The following NRAP variants were observed in gnomAD, a reference collection of about 807,000 sequenced individuals.
NRAP encodes the protein nebulin-related-anchoring protein.
Under a neutral mutation model 225.9 loss-of-function variants are expected in NRAP, and 189 were observed. The observed-to-expected ratio is 0.84, with a 90% CI of 0.74 to 0.94. NRAP has a LOEUF of 0.94. NRAP is among the 40% of genes least tolerant of loss of function. The probability of loss-of-function intolerance (pLI) is 0.00; values close to 1 mark genes in which losing one functional copy is unlikely to be tolerated. For missense variants in NRAP, 2,176 were observed against 2,168.7 expected, an observed-to-expected ratio of 1.00 and a Z score of -0.07; for synonymous variants, 769 against 790.7, an observed-to-expected ratio of 0.97 and a Z score of 0.46.
In NRAP at chr10:113,634,128, G is replaced by A; in HGVS notation, c.1511C>T (p.Ala504Val). 1 of 1,612,696 alleles carries A rather than the reference G, an allele frequency of 6.2e-7. No individual in the cohort carries two copies. Among genetic ancestry groups the A allele is most frequent in the Non-Finnish European group, 8.5e-7 (1 of 1,178,736 alleles). Residue 504 changes from alanine (A) to valine (V), a missense_variant, in exon 15 of 42, where the codon GCC becomes GTC. Coordinates refer to ENST00000359988, the MANE Select transcript of NRAP (RefSeq NM_198060.4). ...TPQIVQAKIN[A>V]QQLSHVNYRA... is the part of the protein sequence containing the mutation. ...GTTACTTACATGACTCAGCTGCTGG[G>A]CATTGATTTTGGCTTGAACAATCTG...
chr10:113,629,737 G>A lies in NRAP; in HGVS notation c.1891C>T (p.Pro631Ser). The part of the protein sequence containing the change: ...FEESKTRFHL[P>S]MDMVNIRHAK... ...TGCCTGATGTTTACCATATCCATGGGCAGGTGAAACCGGGTCTTACTCTCT... is the reference window on the plus strand; with the variant it reads ...TGCCTGATGTTTACCATATCCATGGACAGGTGAAACCGGGTCTTACTCTCT... The change falls in exon 19 of 42, where the codon CCC becomes TCC. Residue 631 changes from proline to serine, a missense_variant. Physicochemically the swap from Pro to Ser is moderately conservative, Grantham distance 74. Transcript: ENST00000359988. 3 of 1,613,968 alleles carry A rather than the reference G, an allele frequency of 1.9e-6. No homozygotes were observed. The highest frequency in any genetic ancestry group is 2.5e-6 in the Non-Finnish European group (3 of 1,179,834).
intron 16 of NRAP, among the ~76,000 whole-genome samples, chr10:113,632,270 G>C (rs1848621700): frequency 1.3e-5 from 2 of 152,184 alleles, no homozygotes; most frequent in Non-Finnish European, 2.9e-5. Flanking sequence ...TTTGCAAAGA[G>C]TGTATCATAT....
chr10:113,650,094 A>G lies in NRAP; in HGVS notation c.831T>C (p.Gly277=), dbSNP rs769792689. 6.2e-7 allele frequency: 1 copy of G among 1,611,546 alleles called. No homozygotes were observed. The change falls in exon 9 of 42, where the codon GGT becomes GGC. Residue 277 remains glycine (G), a synonymous_variant. Coordinates refer to ENST00000359988, the MANE Select transcript of NRAP (RefSeq NM_198060.4). Reference sequence around the variant, plus strand: ...AGATGCCCTCAGCTCCAATGGCTGGACCAGCCATTCCCCTCATTTCTTTTT... The same window carrying G: ...AGATGCCCTCAGCTCCAATGGCTGGGCCAGCCATTCCCCTCATTTCTTTTT... ...QYQKEMRGMA[G]PAIGAEGILT...
rs750978571 is a variant in NRAP at position 113,605,793 on chromosome 10, G to C, written c.3884C>G (p.Ala1295Gly). The change falls in exon 34 of 42, where the codon GCT becomes GGT. Residue 1295 changes from alanine to glycine, a missense_variant. By Grantham distance (60) the Ala-to-Gly change is moderately conservative (BLOSUM62 0). This residue lies in a region of NRAP where 1,708 missense variants were observed against 1,695.5 expected (regional missense o/e 1.01). Coordinates refer to ENST00000359988, the MANE Select transcript of NRAP (RefSeq NM_198060.4). ...KLTIEALPFQ[A>G]ARASGDIASD... ...GGCTATATCTCCAGAGGCCCGGGCA[G>C]CCTGGAAGGGGAGCGCTTCTATTGT... The C allele has an allele frequency of 6.2e-7, 1 of 1,613,840 alleles. No homozygotes were observed. The highest frequency in any genetic ancestry group is 8.5e-7 in the Non-Finnish European group (1 of 1,179,664).
intron 14 of NRAP, among the ~76,000 whole-genome samples, chr10:113,636,215 C>T (rs1057222533): frequency 2.0e-5 from 3 of 152,228 alleles, no homozygotes; most frequent in African/African-American, 7.2e-5. Flanking sequence ...TCACCACTAT[C>T]TACTGACATC....
At chr10:113,608,344 C>A in intron 32 of NRAP, 70 bp downstream of exon 32, 2 of 934,604 alleles carry the variant, frequency 2.1e-6, no homozygotes, top group Non-Finnish European at 1.7e-6. Flanking sequence ...ACCCCAAACA[C>A]ATTCACGTGT....
At chr10:113,620,777 A>G in intron 24 of NRAP, 69 bp from the exon 25 acceptor site, 1 of 1,087,610 alleles carries the variant, frequency 9.2e-7, no homozygotes, top group Non-Finnish European at 1.4e-6. Flanking sequence ...AAGGGCTATT[A>G]GCGGCTCCCA....
chr10:113,612,399 C>A lies in NRAP; in HGVS notation c.3333G>T (p.Lys1111Asn). 6.2e-7 allele frequency: 1 copy of A among 1,614,172 alleles called. No homozygotes were observed. Among genetic ancestry groups the A allele is most frequent in the Non-Finnish European group, 8.5e-7 (1 of 1,180,036 alleles). Reference protein sequence around the residue: ...VNYKKGFEHSKAQFHLPLDMA... With the variant: ...VNYKKGFEHSNAQFHLPLDMA... ...TGTCCAACGGCAGATGGAACTGCGC[C>A]TTTGAGTGTTCAAAGCCTTTCTTGT... The change falls in exon 30 of 42, where the codon AAG becomes AAT. Residue 1111 changes from lysine to asparagine, a missense_variant. By Grantham distance (94) the Lys-to-Asn change is moderately conservative. Transcript: ENST00000359988.
intron 24 of NRAP, 32 bp downstream of exon 24, chr10:113,621,833 TACAC>T: frequency 6.4e-7 from 1 of 1,563,360 alleles, no homozygotes; most frequent in Non-Finnish European, 8.7e-7. Context: ...AACACACACA[TACAC>T]ACACAAGTGC....
Position 113,614,314 on chromosome 10 carries a change from G to GTGTAGATCTC in NRAP, c.3187-19_3187-18insGAGATCTACA. The GTGTAGATCTC allele has an allele frequency of 6.6e-7, 1 of 1,515,796 alleles. No homozygotes were observed. Among genetic ancestry groups the GTGTAGATCTC allele is most frequent in the South Asian group, 1.1e-5 (1 of 89,114 alleles). The allele number at this position is 1,515,796 out of a possible 1,614,324, so 93.9% of individuals were successfully genotyped here. ...TATTTGTACTAAAGGGAAAGAGAGC[G>GTGTAGATCTC]GGAGAGAGGAACAGCTCAGGGATAA... is the stretch of plus-strand genomic sequence containing the variant. On this transcript the variant is annotated intron_variant, in intron 28 of 41. Coordinates refer to ENST00000359988, the MANE Select transcript of NRAP (RefSeq NM_198060.4).
At chr10:113,604,125 T>G (rs1396855783) in intron 35 of NRAP, among the ~76,000 whole-genome samples, 1 of 151,506 alleles carries the variant, frequency 6.6e-6, no homozygotes, top group Non-Finnish European at 1.5e-5. Flanking sequence ...ATAAAGACTG[T>G]TTTTTTTCTG....
intron 3 of NRAP, among the ~76,000 whole-genome samples, chr10:113,660,434 C>T (rs1346919023): frequency 6.6e-6 from 1 of 152,160 alleles, no homozygotes; most frequent in Non-Finnish European, 1.5e-5. Flanking sequence ...AACAAATACA[C>T]ACACGCAGGC....
At position 113,645,906 on chromosome 10, in the gene NRAP, G is replaced by T; in HGVS notation, c.1029C>A (p.Gly343=). 6.3e-7 allele frequency: 1 copy of T among 1,599,478 alleles called. No individual in the cohort carries two copies. Among genetic ancestry groups the T allele is most frequent in the South Asian group, 1.1e-5 (1 of 89,092 alleles). Residue 343 remains glycine, a synonymous_variant, in exon 11 of 42, where the codon GGC becomes GGA. Coordinates refer to ENST00000359988, the MANE Select transcript of NRAP (RefSeq NM_198060.4). The part of the protein sequence containing the change: ...KYRQDFNKMK[G]AAHYHSLPAQ... Reference sequence around the variant, plus strand: ...CTGGAAGCGAGTGATAATGTGCAGCGCCTTTCATCTTATTGAAGTCCTGCC... The same window carrying T: ...CTGGAAGCGAGTGATAATGTGCAGCTCCTTTCATCTTATTGAAGTCCTGCC...
rs1441238237 is a variant in NRAP, at chr10:113,612,438, G to C, written c.3301-7C>G. The stretch of plus-strand genomic sequence containing the variant: ...AGCCTTTCTTGTAATTCACCTAGAG[G>C]GGCAGACAGAGCAACAGCAGCTATT... On this transcript the variant is annotated splice_region_variant and splice_polypyrimidine_tract_variant and intron_variant, in intron 29 of 41. Coordinates refer to ENST00000359988, the MANE Select transcript of NRAP (RefSeq NM_198060.4). The C allele has an allele frequency of 6.2e-7, 1 of 1,612,504 alleles. No homozygotes were observed. The highest frequency in any genetic ancestry group is 1.1e-5 in the South Asian group (1 of 90,992).
intron 35 of NRAP, among the ~76,000 whole-genome samples, chr10:113,603,079 T>G (rs1846705744): frequency 6.6e-6 from 1 of 152,138 alleles, no homozygotes; most frequent in African/African-American, 2.4e-5. Flanking sequence ...TGTTCTAAAA[T>G]GAGAGCACCT....
At chr10:113,632,640 C>A (rs1848638448) in intron 16 of NRAP, among the ~76,000 whole-genome samples, 1 of 150,586 alleles carries the variant, frequency 6.6e-6, no homozygotes, top group Non-Finnish European at 1.5e-5. Context: ...ATAGAACAGG[C>A]ATTTAAACAA....
In NRAP at chr10:113,628,917, C is replaced by T; in HGVS notation, c.2145G>A (p.Glu715=). ...QAKKAGQLVS[E]KNYRQRVDEL... ...GGCCAGAGGCCCCAGTGCAGGTTAC[C>T]TCGCTGACCAGCTGTCCAGCCTTCT... Residue 715 remains glutamate, a splice_region_variant and synonymous_variant, in exon 20 of 42, where the codon GAG becomes GAA. Coordinates refer to ENST00000359988, the MANE Select transcript of NRAP (RefSeq NM_198060.4). 6.3e-7 allele frequency: 1 copy of T among 1,593,890 alleles called. No individual in the cohort carries two copies. Among genetic ancestry groups the T allele is most frequent in the Non-Finnish European group, 8.6e-7 (1 of 1,167,978 alleles).
In NRAP at chr10:113,588,890, G is replaced by C; in HGVS notation, c.*85C>G. On this transcript the variant is annotated 3_prime_UTR_variant, in exon 42 of 42. Transcript: ENST00000359988. ...TGGGATGGGCTGGTGGGCCATTCCA[G>C]CTTGCCGAAATCAAAGCCATCTGAA... is the stretch of plus-strand genomic sequence containing the variant. 1 of 1,008,240 alleles carries C rather than the reference G, an allele frequency of 9.9e-7. No homozygotes were observed. Among genetic ancestry groups the C allele is most frequent in the South Asian group, 1.4e-5 (1 of 71,766 alleles). 62.5% of individuals were successfully genotyped at this position (1,008,240 alleles called of 1,614,324 possible).
intron 23 of NRAP, among the ~76,000 whole-genome samples, chr10:113,622,606 A>C (rs1433543169): frequency 6.6e-6 from 1 of 152,214 alleles, no homozygotes. Context: ...AAGAATAAAT[A>C]TGAAAAAGCT....
Sources: allele counts gnomAD v4.1 joint callset (sites outside exome capture counted in the v4.1 genomes callset), GRCh38; gene constraint gnomAD v4.1.1; regional missense constraint gnomAD v4.1.1; transcripts MANE v1.5; gene names NCBI Gene and HGNC (gene_info 2026-07-23, HGNC 2026-07-21).